The following SEC16A variants were observed in gnomAD, a reference collection of about 807,000 sequenced individuals.
SEC16A encodes the protein protein transport protein Sec16A.
SEC16A carries 110 observed loss-of-function variants against 221.9 expected under a neutral mutation model. That is an observed-to-expected ratio of 0.50 (90% confidence interval 0.42 to 0.58). The LOEUF (loss-of-function observed/expected upper bound fraction) is 0.58. Ranked by LOEUF, SEC16A falls within the 20% of genes least tolerant of loss-of-function variation. SEC16A has a pLI of 0.00. For missense variants in SEC16A, 3,165 were observed against 3,097.8 expected (o/e 1.02, Z -0.52); for synonymous variants, 1,393 against 1,257.7 (o/e 1.11, Z -2.28).
At chr9:136,483,096 G>A, upstream of SEC16A, 3 of 871,242 alleles carry the variant, frequency 3.4e-6, no homozygotes, top group African/African-American at 1.8e-5. Context: ...CGACATCAGC[G>A]CGCGCCCCGC....
At chr9:136,470,585 A>G (rs1369312949) in intron 4 of SEC16A, among the ~76,000 whole-genome samples, 2 of 152,286 alleles carry the variant, frequency 1.3e-5, no homozygotes, top group Non-Finnish European at 1.5e-5. Context: ...TTTTCTCACA[A>G]TTACAGCCTC....
chr9:136,442,686 G>A (rs955915499), intron 31 of SEC16A, among the ~76,000 whole-genome samples: 1 of 152,264 alleles, frequency 6.6e-6, no homozygotes, highest in African/African-American at 2.4e-5. Context: ...AGCCCTCCAG[G>A]TCCCAGGGAA....
chr9:136,456,031 C>T lies in SEC16A; in HGVS notation c.5664+22G>A, dbSNP rs369884315. The T allele has an allele frequency of 2.2e-4, 355 of 1,586,822 alleles. 1 individual carries two copies. The East Asian group carries it at 4.8e-3, about 22-fold the overall frequency. On this transcript the variant is annotated intron_variant, in intron 19 of 31. Transcript: ENST00000684901. ...AGCCACCTTGCCAGACGCCTCTGTG[C>T]CACCCCAAGCCAAGGCTGTACCTTA...
Position 136,466,190 on chromosome 9 carries a change from C to G in SEC16A, c.4129-54G>C. 6.4e-7 allele frequency: 1 copy of G among 1,569,230 alleles called. No homozygotes were observed. Among genetic ancestry groups the G allele is most frequent in the South Asian group, 1.2e-5 (1 of 84,740 alleles). Reference sequence around the variant, plus strand: ...CAATTCCCCAGGCACAGCAGTAAAACTTTAGGTACATTGCAAACAGGATGG... The same window carrying G: ...CAATTCCCCAGGCACAGCAGTAAAAGTTTAGGTACATTGCAAACAGGATGG... On this transcript the variant is annotated intron_variant, in intron 7 of 31. Transcript: ENST00000684901. This position sits in a 1 kb window ranked among gnomAD's most constrained non-coding sequence, Gnocchi z 5.5.
intron 1 of SEC16A, among the ~76,000 whole-genome samples, chr9:136,480,856 C>T (rs1035159997): frequency 5.9e-5 from 9 of 151,538 alleles, no homozygotes; most frequent in Non-Finnish European, 1.0e-4. Flanking sequence ...CGCCACTGCA[C>T]TCCCGCCTGG....
At chr9:136,479,963 C>T (rs1336700177) in intron 1 of SEC16A, among the ~76,000 whole-genome samples, 1 of 151,218 alleles carries the variant, frequency 6.6e-6, no homozygotes, top group East Asian at 2.0e-4. Context: ...GTTCAAGCCA[C>T]AACACTCCAG....
At position 136,460,046 on chromosome 9, in the gene SEC16A, G is replaced by T; in HGVS notation, c.5069C>A (p.Ser1690Tyr). ...CCACCAGGCAGTGCCACTCACCGTG[G>T]ACGCGGCAGGCATCCGTCCGGACAT... Reference protein sequence around the residue: ...QLMSGRMPAASTCCGDEKWGD... With the variant: ...QLMSGRMPAAYTCCGDEKWGD... Residue 1690 changes from serine to tyrosine, a missense_variant, in exon 14 of 32, where the codon TCC becomes TAC. By Grantham distance (144) the Ser-to-Tyr change is moderately radical (BLOSUM62 -2). This residue lies in a region of SEC16A where 1,088 missense variants were observed against 1,089.6 expected (regional missense o/e 1.00). Transcript: ENST00000684901. The T allele has an allele frequency of 6.2e-7, 1 of 1,602,486 alleles. No individual in the cohort carries two copies. Among genetic ancestry groups the T allele is most frequent in the Non-Finnish European group, 8.5e-7 (1 of 1,174,502 alleles).
At chr9:136,452,769 GAAAAAA>G (rs35228326) in intron 22 of SEC16A, among the ~76,000 whole-genome samples, 1 of 77,936 alleles carries the variant, frequency 1.3e-5, no homozygotes, top group African/African-American at 5.2e-5. Context: ...ATGTCTTAGG[GAAAAAA>G]AAAAAAAAAA....
Position 136,475,162 on chromosome 9 carries a change from C to T in SEC16A, c.2454G>A (p.Pro818=), listed in dbSNP as rs370669155. ...GAGGATTCTGCAGAGACTCAGTGGGCGGTGAGGATAATAAACTTGCATAAC... is the reference window on the plus strand; with the variant it reads ...GAGGATTCTGCAGAGACTCAGTGGGTGGTGAGGATAATAAACTTGCATAAC... The part of the protein sequence containing the change: ...SSGYASLLSS[P]PTESLQNPPV... Residue 818 remains proline (P), a synonymous_variant, in exon 3 of 32, where the codon CCG becomes CCA. Coordinates refer to ENST00000684901, the MANE Select transcript of SEC16A (RefSeq NM_014866.2). The surrounding 1 kb of genome is among the most constrained non-coding windows in gnomAD (Gnocchi z 5.0). 53 of 1,613,708 alleles carry T rather than the reference C, an allele frequency of 3.3e-5. No individual in the cohort carries two copies. The highest frequency in any genetic ancestry group is 8.8e-5 in the South Asian group (8 of 91,080).
At chr9:136,479,673 G>A (rs1163272006) in intron 1 of SEC16A, among the ~76,000 whole-genome samples, 1 of 152,058 alleles carries the variant, frequency 6.6e-6, no homozygotes, top group Non-Finnish European at 1.5e-5. Context: ...CTTTGCAGAT[G>A]TATATTATTT....
intron 1 of SEC16A, among the ~76,000 whole-genome samples, chr9:136,481,085 T>C (rs1217502271): frequency 1.3e-5 from 2 of 151,468 alleles, no homozygotes; most frequent in Non-Finnish European, 1.5e-5. Context: ...AGAAAAACAA[T>C]GCAACTGCCT....
rs1029081151 is a variant in SEC16A at position 136,446,953 on chromosome 9, G to C, written c.6698-4C>G. ...GGAAGCTGTGGTTCTTCTGCATCTGGGGATGAGAGAGCGAGGAGGCCATCA... is the reference window on the plus strand; with the variant it reads ...GGAAGCTGTGGTTCTTCTGCATCTGCGGATGAGAGAGCGAGGAGGCCATCA... On this transcript the variant is annotated splice_region_variant and splice_polypyrimidine_tract_variant and intron_variant, in intron 27 of 31. Transcript: ENST00000684901. 1 of 1,613,654 alleles carries C rather than the reference G, an allele frequency of 6.2e-7. No homozygotes were observed. Among genetic ancestry groups the C allele is most frequent in the South Asian group, 1.1e-5 (1 of 91,076 alleles).
chr9:136,476,462 T>C lies in SEC16A; in HGVS notation c.1154A>G (p.Glu385Gly), dbSNP rs1841647862. 1 of 1,612,918 alleles carries C rather than the reference T, an allele frequency of 6.2e-7. No individual in the cohort carries two copies. The highest frequency in any genetic ancestry group is 1.7e-5 in the Admixed American group (1 of 59,972). ...GCCTGCTTTTTCAGATGAGAGATTC[T>C]CCTCATTTTCTGTCTCTCCCCCTTG... ...FFQGGETENEENLSSEKAGLS... is the reference protein window; with the variant it reads ...FFQGGETENEGNLSSEKAGLS... The change falls in exon 3 of 32, where the codon GAG becomes GGG. Residue 385 changes from glutamate to glycine, a missense_variant. Coordinates refer to ENST00000684901, the MANE Select transcript of SEC16A (RefSeq NM_014866.2).
Position 136,462,931 on chromosome 9 carries a change from C to T in SEC16A, c.4849G>A (p.Glu1617Lys). 3 of 1,604,256 alleles carry T rather than the reference C, an allele frequency of 1.9e-6. No homozygotes were observed. Among genetic ancestry groups the T allele is most frequent in the Non-Finnish European group, 2.5e-6 (3 of 1,179,844 alleles). Residue 1617 changes from glutamate to lysine, a missense_variant, in exon 12 of 32, where the codon GAG becomes AAG. Physicochemically the swap from Glu to Lys is moderately conservative, Grantham distance 56 (BLOSUM62 1). Coordinates refer to ENST00000684901, the MANE Select transcript of SEC16A (RefSeq NM_014866.2). ...AACAGCTCCCTGAACCTCTCGGTCT[C>T]TCTCTCGAGCGAGCTGGCGGCAGCC... is the stretch of plus-strand genomic sequence containing the variant. The part of the protein sequence containing the change: ...PAAAASSLER[E>K]TERFRELLLY...
rs759317094 is a variant in SEC16A at position 136,475,082 on chromosome 9, A to C, written c.2534T>G (p.Phe845Cys). ...HSYNLAQPIN[F>C]SVSLSNSHEK... ...ATGAGAGTTCGATAAGGACACAGAAAAGTTAATGGGCTGAGCCAGATTATA... is the reference window on the plus strand; with the variant it reads ...ATGAGAGTTCGATAAGGACACAGAACAGTTAATGGGCTGAGCCAGATTATA... The change falls in exon 3 of 32, where the codon TTT (phenylalanine) becomes TGT (cysteine). Residue 845 changes from phenylalanine to cysteine, a missense_variant. By Grantham distance (205) the Phe-to-Cys change is radical. Coordinates refer to ENST00000684901, the MANE Select transcript of SEC16A (RefSeq NM_014866.2). This position sits in a 1 kb window ranked among gnomAD's most constrained non-coding sequence, Gnocchi z 5.0. The C allele has an allele frequency of 5.6e-6, 9 of 1,613,836 alleles. No homozygotes were observed. The highest frequency in any genetic ancestry group is 1.7e-5 in the Admixed American group (1 of 59,986).
intron 23 of SEC16A, chr9:136,448,883 G>A (rs1837408423): frequency 1.1e-5 from 8 of 700,548 alleles, no homozygotes; most frequent in Admixed American, 2.0e-5. Context: ...GAGTTGTTTC[G>A]TTTCAAGGAG....
chr9:136,458,989 G>T, intron 17 of SEC16A, 145 bp downstream of exon 17: 1 of 549,060 alleles, frequency 1.8e-6, no homozygotes. Flanking sequence ...TAGCATTTTA[G>T]ATCAAATGTC....
At chr9:136,449,767 G>A (rs1361447912) in intron 23 of SEC16A, among the ~76,000 whole-genome samples, 2 of 152,196 alleles carry the variant, frequency 1.3e-5, no homozygotes, top group Non-Finnish European at 2.9e-5. Context: ...CCTATGCACT[G>A]GAAACCTGCT....
chr9:136,462,121 T>G (rs1287634491), intron 12 of SEC16A, among the ~76,000 whole-genome samples: 1 of 151,716 alleles, frequency 6.6e-6, no homozygotes, highest in African/African-American at 2.4e-5. Context: ...AAATTAAAAA[T>G]AAAAAAATAA....
Sources: gnomAD v4.1 joint callset for allele counts (sites outside exome capture counted in the v4.1 genomes callset) on GRCh38, gnomAD v4.1.1 for gene constraint, gnomAD v4.1.1 regional missense constraint, Gnocchi (gnomAD v3.1) non-coding constraint, MANE v1.5 for transcripts, NCBI Gene and HGNC (gene_info 2026-07-23, HGNC 2026-07-21) for gene names.